The following CLRN2 variants were observed in gnomAD, a reference collection of about 807,000 sequenced individuals.
CLRN2 encodes clarin 2, also known as clarin-2.
A neutral mutation model predicts 20.1 loss-of-function variants in CLRN2; 17 were observed. That is an observed-to-expected ratio of 0.85 (90% CI 0.58 to 1.27). The LOEUF (loss-of-function observed/expected upper bound fraction) is 1.27, where lower values mean the gene tolerates loss of function less well. Among genes scored for constraint, CLRN2 ranks in the 50% most tolerant of loss-of-function variants. The pLI is 0.00. For missense variants in CLRN2, 288 were observed against 299.5 expected (o/e 0.96, Z 0.28); for synonymous variants, 140 against 126.9 (o/e 1.10, Z -0.70).
chr4:17,525,809 C>G (rs762989515), intron 2 of CLRN2, among the ~76,000 whole-genome samples: 1 of 152,070 alleles, frequency 6.6e-6, no homozygotes, highest in Non-Finnish European at 1.5e-5. Flanking sequence ...AAGAAAAACA[C>G]TAAAATGTTC....
Position 17,522,965 on chromosome 4 carries a change from G to A in CLRN2, c.355G>A (p.Ala119Thr). ...LALALVSMGF[A>T]ILNMIQVPYR... is the part of the protein sequence containing the mutation. ...CCTGGCTCTGGTCAGCATGGGCTTTGCCATTCTTAACATGATCCAGGTCCC... is the reference window on the plus strand; with the variant it reads ...CCTGGCTCTGGTCAGCATGGGCTTTACCATTCTTAACATGATCCAGGTCCC... The change falls in exon 2 of 3, where the codon GCC becomes ACC. Residue 119 changes from alanine to threonine, a missense_variant. Coordinates refer to ENST00000511148, the MANE Select transcript of CLRN2 (RefSeq NM_001079827.2). 1.2e-6 allele frequency: 2 copies of A among 1,613,990 alleles called. No homozygotes were observed. Among genetic ancestry groups the A allele is most frequent in the Non-Finnish European group, 1.7e-6 (2 of 1,179,896 alleles).
intron 2 of CLRN2, 21 bp from the exon 3 acceptor site, chr4:17,526,796 G>A (rs1209134182): frequency 6.2e-7 from 1 of 1,612,828 alleles, no homozygotes; most frequent in African/African-American, 1.3e-5. Context: ...CGTGAATGAG[G>A]GTGACCTTTT....
intron 2 of CLRN2, among the ~76,000 whole-genome samples, chr4:17,525,542 C>T (rs1346906145): frequency 6.6e-6 from 1 of 152,036 alleles, no homozygotes. Context: ...CCCAGCTACT[C>T]AGGAGGCTGA....
At position 17,522,967 on chromosome 4, in the gene CLRN2, C is replaced by T. The variant is rs747422295; in HGVS notation, c.357C>T (p.Ala119=). 6.8e-6 allele frequency: 11 copies of T among 1,613,884 alleles called. No homozygotes were observed. The highest frequency in any genetic ancestry group is 9.3e-6 in the Non-Finnish European group (11 of 1,179,918). ...TGGCTCTGGTCAGCATGGGCTTTGC[C>T]ATTCTTAACATGATCCAGGTCCCGT... The part of the protein sequence containing the change: ...LALALVSMGF[A]ILNMIQVPYR... Residue 119 remains alanine, a synonymous_variant, in exon 2 of 3, where the codon GCC becomes GCT. Coordinates refer to ENST00000511148, the MANE Select transcript of CLRN2 (RefSeq NM_001079827.2).
chr4:17,515,512 A>G lies in CLRN2; in HGVS notation c.246A>G (p.Gln82=). Residue 82 remains glutamine (Q), a synonymous_variant, in exon 1 of 3, where the codon CAA becomes CAG. Coordinates refer to ENST00000511148, the MANE Select transcript of CLRN2 (RefSeq NM_001079827.2). ...RQCGLGGRQS[Q]FTIFPHLVKE... The stretch of plus-strand genomic sequence containing the variant: ...GTGGGCTTGGGGGCCGCCAATCCCA[A>G]TTCACGAGTGAGTATATTGGGAGCA... 2 of 1,613,840 alleles carry G rather than the reference A, an allele frequency of 1.2e-6. No homozygotes were observed. The highest frequency in any genetic ancestry group is 1.7e-6 in the Non-Finnish European group (2 of 1,179,834).
chr4:17,524,229 TGTGTGTGC>T (rs776047845), intron 2 of CLRN2, among the ~76,000 whole-genome samples: 1 of 134,480 alleles, frequency 7.4e-6, no homozygotes, highest in African/African-American at 2.9e-5. Context: ...TGTGTGTGTG[TGTGTGTGC>T]GCGCGCATGT....
At chr4:17,519,984 C>G (rs1318667411) in intron 1 of CLRN2, among the ~76,000 whole-genome samples, 2 of 152,128 alleles carry the variant, frequency 1.3e-5, no homozygotes, top group Admixed American at 6.5e-5. Flanking sequence ...GCTGGGATTA[C>G]AGGCATGAGC....
rs561958972 is a variant in CLRN2, at chr4:17,522,799, C to G, written c.254-65C>G. ...TGTCGAAGCCTTCGTGGTAAGCAAG[C>G]TTGGACTTCATGAAAGTGAGTCTAA... On this transcript the variant is annotated intron_variant, in intron 1 of 2. Coordinates refer to ENST00000511148, the MANE Select transcript of CLRN2 (RefSeq NM_001079827.2). The G allele has an allele frequency of 1.9e-5, 29 of 1,554,744 alleles. No individual in the cohort carries two copies. In the South Asian group the frequency reaches 2.0e-4, roughly 11 times the overall value.
chr4:17,519,385 A>C (rs1711780879), intron 1 of CLRN2, among the ~76,000 whole-genome samples: 1 of 152,160 alleles, frequency 6.6e-6, no homozygotes. Context: ...ACCTCTACTT[A>C]TCTGTGCTTT....
chr4:17,522,429 T>C (rs1711853534), intron 1 of CLRN2, among the ~76,000 whole-genome samples: 1 of 152,246 alleles, frequency 6.6e-6, no homozygotes, highest in Admixed American at 6.5e-5. Flanking sequence ...AAATATGAAT[T>C]AAGATTTCAC....
chr4:17,524,949 A>T (rs1389210474), intron 2 of CLRN2, among the ~76,000 whole-genome samples: 1 of 152,038 alleles, frequency 6.6e-6, no homozygotes, highest in Non-Finnish European at 1.5e-5. Context: ...TGTCTCAAAA[A>T]ATAAAAAATA....
intron 2 of CLRN2, among the ~76,000 whole-genome samples, chr4:17,524,238 G>A (rs1010605564): frequency 7.9e-5 from 12 of 150,944 alleles, no homozygotes; most frequent in East Asian, 3.9e-4. Context: ...GTGTGTGTGC[G>A]CGCGCATGTT....
In CLRN2 at chr4:17,526,850, T is replaced by A. The variant is rs1025094358; in HGVS notation, c.467T>A (p.Val156Glu). 1.9e-6 allele frequency: 3 copies of A among 1,614,002 alleles called. No homozygotes were observed. Among genetic ancestry groups the A allele is most frequent in the Non-Finnish European group, 2.5e-6 (3 of 1,179,898 alleles). ...GTGGCGTTAGCCATCGCCAGCTTCG[T>A]GGCTGCGGTGAAATTTCACGACCTG... ...GVVALAIASF[V>E]AAVKFHDLTE... Residue 156 changes from valine (V) to glutamate (E), a missense_variant, in exon 3 of 3, where the codon GTG (valine) becomes GAG (glutamate). Val to Glu is a moderately radical substitution (Grantham distance 121). Coordinates refer to ENST00000511148, the MANE Select transcript of CLRN2 (RefSeq NM_001079827.2).
At chr4:17,516,911 G>T (rs564241123) in intron 1 of CLRN2, among the ~76,000 whole-genome samples, 1 of 152,306 alleles carries the variant, frequency 6.6e-6, no homozygotes, top group East Asian at 1.9e-4. Context: ...GATTAATAGG[G>T]AAAATGGCTT....
At chr4:17,523,756 C>T (rs921920458) in intron 2 of CLRN2, among the ~76,000 whole-genome samples, 2 of 148,002 alleles carry the variant, frequency 1.4e-5, no homozygotes, top group Non-Finnish European at 3.0e-5. Flanking sequence ...TCCATTCAGG[C>T]TCTGGGTTGA....
chr4:17,518,201 CA>C (rs1443356507), intron 1 of CLRN2, among the ~76,000 whole-genome samples: 1 of 152,054 alleles, frequency 6.6e-6, no homozygotes, highest in Admixed American at 6.6e-5. Context: ...GAGGCCTCCC[CA>C]AAAAATCACC....
At chr4:17,517,138 A>G (rs1246493640) in intron 1 of CLRN2, among the ~76,000 whole-genome samples, 1 of 152,234 alleles carries the variant, frequency 6.6e-6, no homozygotes, top group Non-Finnish European at 1.5e-5. Context: ...CAGAGCAGAC[A>G]TTGGTTTGTG....
At chr4:17,525,503 A>T (rs1318123135) in intron 2 of CLRN2, among the ~76,000 whole-genome samples, 2 of 152,112 alleles carry the variant, frequency 1.3e-5, no homozygotes, top group African/African-American at 4.8e-5. Flanking sequence ...ATCAAAAATT[A>T]GCCAAGCATG....
At chr4:17,519,984 C>T (rs1318667411) in intron 1 of CLRN2, among the ~76,000 whole-genome samples, 1 of 152,128 alleles carries the variant, frequency 6.6e-6, no homozygotes, top group Non-Finnish European at 1.5e-5. Flanking sequence ...GCTGGGATTA[C>T]AGGCATGAGC....
Sources: gnomAD v4.1 joint callset for allele counts (sites outside exome capture counted in the v4.1 genomes callset) on GRCh38, gnomAD v4.1.1 for gene constraint, MANE v1.5 for transcripts, NCBI Gene and HGNC (gene_info 2026-07-23, HGNC 2026-07-21) for gene names.